The following LRP1B variants were observed in gnomAD, a reference collection of about 807,000 sequenced individuals.
LRP1B encodes the protein LDL receptor related protein 1B, also known as low-density lipoprotein receptor-related protein 1B.
Under a neutral mutation model 556.6 loss-of-function variants are expected in LRP1B, and 217 were observed. That is an observed-to-expected ratio of 0.39 (90% CI 0.35 to 0.44). The LOEUF (loss-of-function observed/expected upper bound fraction) is 0.44. LRP1B is among the 20% of genes least tolerant of loss of function. The pLI is 1.00. For missense variants in LRP1B, 5,053 were observed against 5,620.8 expected, an observed-to-expected ratio of 0.90 and a Z score of 3.23; for synonymous variants, 2,047 against 1,865.8, an observed-to-expected ratio of 1.10 and a Z score of -2.50.
At chr2:140,796,420 A>G (rs574970740) in intron 32 of LRP1B, among the ~76,000 whole-genome samples, 2 of 152,208 alleles carry the variant, frequency 1.3e-5, no homozygotes, top group East Asian at 3.9e-4. Flanking sequence ...AAAGTGACAA[A>G]AATTGCTGGA....
chr2:140,346,660 C>T (rs990991379), intron 77 of LRP1B, among the ~76,000 whole-genome samples: 2 of 151,920 alleles, frequency 1.3e-5, no homozygotes, highest in Non-Finnish European at 2.9e-5. Flanking sequence ...TTTGCACACA[C>T]ACACACGCTT....
chr2:140,485,508 G>T lies in LRP1B; in HGVS notation c.9260C>A (p.Ala3087Glu), dbSNP rs753066569. 2.5e-6 allele frequency: 4 copies of T among 1,612,910 alleles called. No individual in the cohort carries two copies. The South Asian group carries it at 4.4e-5, about 18-fold the overall frequency. The change falls in exon 59 of 91, where the codon GCG becomes GAG. Residue 3087 changes from alanine to glutamate, a missense_variant. Physicochemically the swap from Ala to Glu is moderately radical, Grantham distance 107. This residue lies in a region of LRP1B where 3,619 missense variants were observed against 3,931.9 expected (regional missense o/e 0.92). Transcript: ENST00000389484. Reference sequence around the variant, plus strand: ...ATCGACAGCAAGTGCATTGGGGACCGCTGTGTTATGAACTACCTACAAAAC... The same window carrying T: ...ATCGACAGCAAGTGCATTGGGGACCTCTGTGTTATGAACTACCTACAAAAC... Reference protein sequence around the residue: ...GSDIKVVHNTAVPNALAVDWI... With the variant: ...GSDIKVVHNTEVPNALAVDWI...
At chr2:141,112,556 AC>A (rs533841857) in intron 7 of LRP1B, among the ~76,000 whole-genome samples, 61 of 152,344 alleles carry the variant, frequency 4.0e-4, no homozygotes, top group African/African-American at 1.3e-3. Context: ...ATATTTTGAA[AC>A]AAAATAATGC....
intron 2 of LRP1B, among the ~76,000 whole-genome samples, chr2:141,631,148 G>T (rs563343811): frequency 3.3e-5 from 5 of 152,070 alleles, no homozygotes; most frequent in African/African-American, 1.2e-4. Context: ...TTACATGATG[G>T]GAGGAAGGAG....
intron 41 of LRP1B, among the ~76,000 whole-genome samples, chr2:140,696,639 G>T (rs1686439204): frequency 6.6e-6 from 1 of 152,124 alleles, no homozygotes; most frequent in South Asian, 2.1e-4. Context: ...AGCAGCAGGT[G>T]ACTCAGCATT....
intron 7 of LRP1B, among the ~76,000 whole-genome samples, chr2:141,153,226 T>A (rs1034859115): frequency 3.0e-4 from 40 of 135,262 alleles, no homozygotes; most frequent in African/African-American, 1.0e-3. Context: ...CATATATATA[T>A]TATATATATA....
rs1212826415 is a variant in LRP1B, at chr2:141,779,887, C to T, written c.205+30392G>A. ...CTACATTGCTACCACTTGTTACAGT[C>T]TATTATTTACCTAAATTGATTATTT... On this transcript the variant is annotated intron_variant, in intron 2 of 90. Transcript: ENST00000389484. Among the ~76,000 whole-genome samples, 6 of 151,798 alleles carry T rather than the reference C, an allele frequency of 4.0e-5. No homozygotes were observed. The East Asian group carries it at 9.7e-4, about 24-fold the overall frequency.
intron 66 of LRP1B, among the ~76,000 whole-genome samples, chr2:140,429,468 C>CA (rs779737335): frequency 1.3e-5 from 2 of 152,126 alleles, no homozygotes; most frequent in Non-Finnish European, 1.5e-5. Flanking sequence ...TGACACCCAT[C>CA]AGGGTCAGCA....
At chr2:140,732,300 T>C (rs1410475248) in intron 35 of LRP1B, among the ~76,000 whole-genome samples, 1 of 152,156 alleles carries the variant, frequency 6.6e-6, no homozygotes, top group Non-Finnish European at 1.5e-5. Flanking sequence ...TTTATGATAG[T>C]AAAATATATC....
intron 6 of LRP1B, among the ~76,000 whole-genome samples, chr2:141,197,393 A>T (rs1558926333): frequency 6.6e-6 from 1 of 152,092 alleles, no homozygotes; most frequent in Non-Finnish European, 1.5e-5. Flanking sequence ...AAAATATGAA[A>T]TCTTATTTAT....
intron 45 of LRP1B, among the ~76,000 whole-genome samples, chr2:140,538,643 C>T (rs981626298): frequency 1.3e-5 from 2 of 151,800 alleles, no homozygotes; most frequent in African/African-American, 4.8e-5. Flanking sequence ...GACAAGGTAG[C>T]AAATAATTTA....
intron 2 of LRP1B, among the ~76,000 whole-genome samples, chr2:141,513,625 G>C (rs1684205518): frequency 6.6e-6 from 1 of 152,020 alleles, no homozygotes; most frequent in Non-Finnish European, 1.5e-5. Context: ...ATGCAAGTAG[G>C]TAATTAAAGA....
At chr2:141,624,788 G>A (rs1005570381) in intron 2 of LRP1B, among the ~76,000 whole-genome samples, 1 of 151,720 alleles carries the variant, frequency 6.6e-6, no homozygotes, top group East Asian at 1.9e-4. Context: ...TTTATTTTTT[G>A]AGATGGGGTC....
chr2:141,487,940 G>A (rs766987241), intron 2 of LRP1B, among the ~76,000 whole-genome samples: 18 of 152,068 alleles, frequency 1.2e-4, no homozygotes, highest in Non-Finnish European at 2.4e-4. Flanking sequence ...TGAAAAATAG[G>A]GATTAATAAT....
intron 3 of LRP1B, among the ~76,000 whole-genome samples, chr2:141,359,468 C>T (rs1471343269): frequency 6.6e-6 from 1 of 152,088 alleles, no homozygotes; most frequent in Admixed American, 6.6e-5. Flanking sequence ...AATAAAAATA[C>T]ATAACTTGGC....
At chr2:140,822,669 A>T (rs1691367968) in intron 31 of LRP1B, among the ~76,000 whole-genome samples, 1 of 152,170 alleles carries the variant, frequency 6.6e-6, no homozygotes. Context: ...CTGGGTCCAC[A>T]TTTCTTAGGA....
chr2:140,544,846 G>C (rs1312513702), intron 43 of LRP1B, among the ~76,000 whole-genome samples: 1 of 152,084 alleles, frequency 6.6e-6, no homozygotes, highest in African/African-American at 2.4e-5. Flanking sequence ...CCAGTAATGG[G>C]ACTGCTGGGT....
At chr2:140,444,922 T>A (rs994687729) in intron 63 of LRP1B, among the ~76,000 whole-genome samples, 1 of 152,120 alleles carries the variant, frequency 6.6e-6, no homozygotes, top group African/African-American at 2.4e-5. Flanking sequence ...CATATAAATA[T>A]ATTTTTTTAA....
intron 21 of LRP1B, among the ~76,000 whole-genome samples, chr2:140,913,369 G>C (rs920219135): frequency 3.3e-5 from 5 of 151,882 alleles, no homozygotes; most frequent in Admixed American, 6.6e-5. Context: ...AACCATCAGA[G>C]AGTGCTATGG....
Sources: allele counts gnomAD v4.1 joint callset (sites outside exome capture counted in the v4.1 genomes callset), GRCh38; gene constraint gnomAD v4.1.1; regional missense constraint gnomAD v4.1.1; transcripts MANE v1.5; gene names NCBI Gene and HGNC (gene_info 2026-07-23, HGNC 2026-07-21).